NT5DC1: variants seen among roughly 807,000 people sequenced by gnomAD.
NT5DC1 encodes 5'-nucleotidase domain containing 1, also known as 5'-nucleotidase domain-containing protein 1.
A neutral mutation model predicts 59.4 loss-of-function variants in NT5DC1; 42 were observed. That is an observed-to-expected ratio of 0.71 (90% CI 0.55 to 0.92). The LOEUF is 0.92. Ranked by LOEUF, NT5DC1 falls within the 40% of genes least tolerant of loss-of-function variation. The probability of loss-of-function intolerance (pLI) is 0.00; values close to 1 mark genes in which losing one functional copy is unlikely to be tolerated. For missense variants in NT5DC1, 501 were observed against 537.1 expected, an observed-to-expected ratio of 0.93 and a Z score of 0.66; for synonymous variants, 172 against 188.1, an observed-to-expected ratio of 0.91 and a Z score of 0.70.
intron 6 of NT5DC1, among the ~76,000 whole-genome samples, chr6:116,153,069 A>G (rs1447442844): frequency 6.6e-6 from 1 of 152,014 alleles, no homozygotes; most frequent in Non-Finnish European, 1.5e-5. Context: ...AGGTAGGCTA[A>G]TATATAACAT....
intron 6 of NT5DC1, 131 bp downstream of exon 6, chr6:116,118,076 A>G (rs1779003997): frequency 1.5e-6 from 1 of 686,726 alleles, no homozygotes; most frequent in African/African-American, 1.8e-5. Flanking sequence ...TATTATTATA[A>G]AGTTGGTTCT....
At chr6:116,167,383 T>TC (rs1657050163) in intron 6 of NT5DC1, among the ~76,000 whole-genome samples, 3 of 152,100 alleles carry the variant, frequency 2.0e-5, no homozygotes, top group Admixed American at 6.5e-5. Flanking sequence ...CGGCTAATTT[T>TC]TTGTATTTTT....
chr6:116,135,845 A>ATG lies in NT5DC1; in HGVS notation c.529+17901_529+17902insGT, dbSNP rs201506238. Among the ~76,000 whole-genome samples the ATG allele has an allele frequency of 9.1e-3, 902 of 99,144 alleles. 8 individuals are homozygous for ATG. Among genetic ancestry groups the ATG allele is most frequent in the Non-Finnish European group, 0.014 (721 of 53,264 alleles). The allele number at this position is 99,144 out of a possible 152,430, so 65.0% of individuals were successfully genotyped here. A position where few individuals can be genotyped will look rare whatever the true frequency, so the allele number is the denominator to read the frequency against. On this transcript the variant is annotated intron_variant, in intron 6 of 11. Transcript: ENST00000319550. ...ACAATATATTTTCAGATATATATAT[A>ATG]TATATATATATATATATATATATAT...
chr6:116,102,460 C>T (rs959627046), intron 1 of NT5DC1, among the ~76,000 whole-genome samples: 8 of 152,194 alleles, frequency 5.3e-5, no homozygotes, highest in African/African-American at 9.7e-5. Context: ...GTCTTTGATA[C>T]ATGTTTTCCT....
chr6:116,209,077 C>A (rs990428177), intron 6 of NT5DC1, among the ~76,000 whole-genome samples: 6 of 151,932 alleles, frequency 3.9e-5, no homozygotes, highest in African/African-American at 9.7e-5. Flanking sequence ...TTTTATTATT[C>A]TTTTGGTACT....
In NT5DC1 at chr6:116,221,256, T is replaced by C. The variant is rs777146545; in HGVS notation, c.704+28T>C. The stretch of plus-strand genomic sequence containing the variant: ...GAGTGATGAGTCATTCAGTTTTCAT[T>C]GTCTTATGAAATACAGATAGCAAAT... On this transcript the variant is annotated intron_variant, in intron 7 of 11. Transcript: ENST00000319550. The C allele has an allele frequency of 2.9e-6, 4 of 1,379,132 alleles. No individual in the cohort carries two copies. In the South Asian group the frequency reaches 5.0e-5, roughly 17 times the overall value. 85.4% of individuals were successfully genotyped at this position (1,379,132 alleles called of 1,614,324 possible). A position where few individuals can be genotyped will look rare whatever the true frequency, so the allele number is the denominator to read the frequency against.
intron 8 of NT5DC1, among the ~76,000 whole-genome samples, chr6:116,225,934 AG>A (rs977012342): frequency 2.6e-5 from 4 of 152,076 alleles, no homozygotes; most frequent in African/African-American, 9.7e-5. Context: ...GCAACTTTGG[AG>A]GGGGGTGGAG....
chr6:116,220,393 G>C (rs536958804), intron 6 of NT5DC1, among the ~76,000 whole-genome samples: 1 of 152,108 alleles, frequency 6.6e-6, no homozygotes, highest in African/African-American at 2.4e-5. Context: ...GCCAGACCCC[G>C]TGGCCACTCT....
chr6:116,129,942 C>T (rs1283216236), intron 6 of NT5DC1, among the ~76,000 whole-genome samples: 1 of 152,156 alleles, frequency 6.6e-6, no homozygotes, highest in Non-Finnish European at 1.5e-5. Context: ...AGATACAGCA[C>T]ACACAAATAC....
At chr6:116,219,974 AAAAAAAAAAAC>A (rs1487415413) in intron 6 of NT5DC1, among the ~76,000 whole-genome samples, 69 of 149,560 alleles carry the variant, frequency 4.6e-4, no homozygotes, top group African/African-American at 1.6e-3. Flanking sequence ...AAAAAAAAAA[AAAAAAAAAAAC>A]AACTCTTCTT....
At chr6:116,150,010 A>G (rs1398133833) in intron 6 of NT5DC1, among the ~76,000 whole-genome samples, 1 of 152,114 alleles carries the variant, frequency 6.6e-6, no homozygotes, top group African/African-American at 2.4e-5. Flanking sequence ...TGCCCCCCAA[A>G]GTACTGTTGA....
chr6:116,173,342 CTCTT>C (rs1780655231), intron 6 of NT5DC1, among the ~76,000 whole-genome samples: 1 of 152,180 alleles, frequency 6.6e-6, no homozygotes, highest in Non-Finnish European at 1.5e-5. Context: ...AGAACATTTA[CTCTT>C]TAACAATCTG....
intron 6 of NT5DC1, among the ~76,000 whole-genome samples, chr6:116,147,846 A>C (rs767515747): frequency 8.5e-5 from 13 of 152,160 alleles, no homozygotes; most frequent in Non-Finnish European, 1.5e-4. Context: ...ATATTCATTC[A>C]TAAGAACTAG....
At chr6:116,145,523 T>C (rs1336211693) in intron 6 of NT5DC1, 1 of 318,286 alleles carries the variant, frequency 3.1e-6, no homozygotes, top group Non-Finnish European at 7.2e-6. Context: ...CTGTATTATT[T>C]CATTAGAACT....
At chr6:116,108,831 G>A (rs1376733114) in intron 3 of NT5DC1, among the ~76,000 whole-genome samples, 1 of 152,166 alleles carries the variant, frequency 6.6e-6, no homozygotes, top group Non-Finnish European at 1.5e-5. Flanking sequence ...GTAGGGGTTG[G>A]TGGTCTATAC....
intron 6 of NT5DC1, among the ~76,000 whole-genome samples, chr6:116,170,678 A>G (rs1338135469): frequency 6.6e-6 from 1 of 152,242 alleles, no homozygotes; most frequent in Admixed American, 6.5e-5. Flanking sequence ...CATAGCATAC[A>G]TAGCCCTGGC....
intron 6 of NT5DC1, among the ~76,000 whole-genome samples, chr6:116,122,870 TAA>T (rs1779175570): frequency 6.6e-6 from 1 of 152,170 alleles, no homozygotes; most frequent in Admixed American, 6.5e-5. Context: ...TTGATTAATA[TAA>T]ATACATAGAG....
chr6:116,110,605 G>GTGT, intron 3 of NT5DC1: 6 of 588,518 alleles, frequency 1.0e-5, no homozygotes, highest in Non-Finnish European at 1.8e-5. Context: ...ATCTTATCCA[G>GTGT]TGTTGACCTC....
chr6:116,175,884 A>G (rs1014148128), intron 6 of NT5DC1, among the ~76,000 whole-genome samples: 3 of 151,964 alleles, frequency 2.0e-5, no homozygotes, highest in Non-Finnish European at 2.9e-5. Flanking sequence ...GATAATTCCA[A>G]TGTATGAATC....
Sources: allele counts gnomAD v4.1 joint callset (sites outside exome capture counted in the v4.1 genomes callset), GRCh38; gene constraint gnomAD v4.1.1; transcripts MANE v1.5; gene names NCBI Gene and HGNC (gene_info 2026-07-23, HGNC 2026-07-21).